The following ATAD1 variants were observed in gnomAD, a reference collection of about 807,000 sequenced individuals.
The protein encoded by ATAD1 is outer mitochondrial transmembrane helix translocase.
A neutral mutation model predicts 42.7 loss-of-function variants in ATAD1; 18 were observed. The observed-to-expected ratio is 0.42, with a 90% CI of 0.29 to 0.63. ATAD1 has a LOEUF of 0.63. Among genes scored for constraint, ATAD1 ranks in the 20% least tolerant of loss-of-function variants. The pLI, the probability that ATAD1 is intolerant of heterozygous loss-of-function variation, is 0.19. For synonymous variants in ATAD1, 132 were observed against 143.1 expected, an observed-to-expected ratio of 0.92 and a Z score of 0.55; for missense variants, 294 against 440.4, an observed-to-expected ratio of 0.67 and a Z score of 2.98.
At chr10:87,757,153 A>G (rs1467999059) in intron 8 of ATAD1, among the ~76,000 whole-genome samples, 1 of 151,856 alleles carries the variant, frequency 6.6e-6, no homozygotes, top group Non-Finnish European at 1.5e-5. Flanking sequence ...CTGTAGAGTG[A>G]TGGGGAAGAA....
intron 2 of ATAD1, among the ~76,000 whole-genome samples, chr10:87,797,811 G>C (rs574199604): frequency 1.3e-5 from 2 of 152,132 alleles, no homozygotes; most frequent in African/African-American, 2.4e-5. Context: ...GCATTCTAAA[G>C]GGTCTTCTCT....
intron 7 of ATAD1, among the ~76,000 whole-genome samples, chr10:87,768,574 G>GA (rs1178521044): frequency 6.6e-6 from 1 of 151,684 alleles, no homozygotes; most frequent in Non-Finnish European, 1.5e-5. Context: ...TATTACATAA[G>GA]AAAAAAAACT....
upstream of ATAD1, chr10:87,818,310 G>C (rs970106937): frequency 1.0e-5 from 10 of 962,392 alleles, no homozygotes; most frequent in African/African-American, 1.2e-4. Context: ...CCGGCGCGGA[G>C]GGGGCGTGCT....
intron 6 of ATAD1, among the ~76,000 whole-genome samples, chr10:87,775,580 A>T (rs1855268823): frequency 1.3e-5 from 2 of 151,898 alleles, no homozygotes; most frequent in Non-Finnish European, 2.9e-5. Flanking sequence ...TGGCTGAAAA[A>T]ACAAACATGC....
At chr10:87,785,929 C>T (rs1445145939) in intron 4 of ATAD1, among the ~76,000 whole-genome samples, 1 of 152,044 alleles carries the variant, frequency 6.6e-6, no homozygotes, top group Non-Finnish European at 1.5e-5. Context: ...CTAAAGCTGA[C>T]TTTTAAATTT....
At chr10:87,769,721 A>AT (rs1262924385) in intron 7 of ATAD1, among the ~76,000 whole-genome samples, 2 of 152,006 alleles carry the variant, frequency 1.3e-5, no homozygotes, top group African/African-American at 2.4e-5. Context: ...TGAGGCAGGC[A>AT]TATCATCTGA....
At chr10:87,821,545 A>C (rs933777841), upstream of ATAD1, among the ~76,000 whole-genome samples, 1 of 152,102 alleles carries the variant, frequency 6.6e-6, no homozygotes, top group Non-Finnish European at 1.5e-5. Flanking sequence ...AAAAAAAATT[A>C]GGTGTTCTCA....
intron 1 of ATAD1, chr10:87,832,180 G>C (rs1262799614): frequency 6.9e-6 from 1 of 144,470 alleles, no homozygotes; most frequent in African/African-American, 2.6e-5. Flanking sequence ...TGATCCTCCT[G>C]CTTCAGCACC....
At chr10:87,831,607 T>A (rs1857830512) in intron 1 of ATAD1, among the ~76,000 whole-genome samples, 2 of 152,240 alleles carry the variant, frequency 1.3e-5, no homozygotes, top group South Asian at 4.1e-4. Flanking sequence ...TCCTCCATGC[T>A]GTACCAGTCA....
chr10:87,790,136 G>A (rs985578435), intron 4 of ATAD1, among the ~76,000 whole-genome samples, 174 bp downstream of exon 4: 1 of 152,162 alleles, frequency 6.6e-6, no homozygotes, highest in Non-Finnish European at 1.5e-5. Flanking sequence ...ACAGGAAAAA[G>A]TTTATCTCAA....
chr10:87,771,995 C>T (rs1168955228), intron 6 of ATAD1, among the ~76,000 whole-genome samples: 1 of 152,040 alleles, frequency 6.6e-6, no homozygotes, highest in Non-Finnish European at 1.5e-5. Flanking sequence ...AATCTTATAT[C>T]CTACTTCTAC....
At chr10:87,834,868 T>G (rs1199982351) in intron 1 of ATAD1, among the ~76,000 whole-genome samples, 1 of 152,006 alleles carries the variant, frequency 6.6e-6, no homozygotes, top group African/African-American at 2.4e-5. Context: ...GTGAGAACTT[T>G]CTTCTTTTTT....
chr10:87,773,883 G>A (rs1855167256), intron 6 of ATAD1, among the ~76,000 whole-genome samples: 2 of 152,074 alleles, frequency 1.3e-5, no homozygotes, highest in African/African-American at 4.8e-5. Flanking sequence ...TATTTCTCAG[G>A]GAGAATAATT....
upstream of ATAD1, among the ~76,000 whole-genome samples, chr10:87,819,758 T>G (rs1244696207): frequency 6.6e-6 from 1 of 152,210 alleles, no homozygotes; most frequent in East Asian, 1.9e-4. Flanking sequence ...GTACTTTACG[T>G]TTTCTCTTTG....
At chr10:87,817,861 C>G (rs1350233348) in intron 1 of ATAD1, 3 of 985,462 alleles carry the variant, frequency 3.0e-6, no homozygotes, top group Non-Finnish European at 2.4e-6. Context: ...CGACCTCAAA[C>G]CCCCACAGTG....
At chr10:87,768,776 T>G (rs965228788) in intron 7 of ATAD1, among the ~76,000 whole-genome samples, 2 of 152,182 alleles carry the variant, frequency 1.3e-5, no homozygotes, top group African/African-American at 4.8e-5. Context: ...TATGTTCTAT[T>G]GTACTGTACA....
At chr10:87,790,499 C>T (rs1436682305) in intron 3 of ATAD1, 69 bp from the exon 4 acceptor site, 1 of 1,445,910 alleles carries the variant, frequency 6.9e-7, no homozygotes, top group Non-Finnish European at 9.2e-7. Context: ...AAGAACGCTC[C>T]CAAAATTACA....
chr10:87,762,168 T>G (rs1854511851), intron 8 of ATAD1, among the ~76,000 whole-genome samples: 1 of 152,222 alleles, frequency 6.6e-6, no homozygotes, highest in South Asian at 2.1e-4. Context: ...GTAAATCATC[T>G]GCATCATCTC....
At chr10:87,802,093 T>C (rs1856723283) in intron 2 of ATAD1, among the ~76,000 whole-genome samples, 1 of 152,204 alleles carries the variant, frequency 6.6e-6, no homozygotes, top group African/African-American at 2.4e-5. Flanking sequence ...TGGAAACTAT[T>C]TGTGAGTATT....
Sources: gnomAD v4.1 joint callset for allele counts (sites outside exome capture counted in the v4.1 genomes callset) on GRCh38, gnomAD v4.1.1 for gene constraint, MANE v1.5 for transcripts, NCBI Gene and HGNC (gene_info 2026-07-23, HGNC 2026-07-21) for gene names.